Variants in ZKSCAN1 observed in about 807,000 individuals in gnomAD.
ZKSCAN1 encodes the protein zinc finger with KRAB and SCAN domains 1.
ZKSCAN1 carries 14 observed loss-of-function variants against 51.6 expected under a neutral mutation model. The ratio of observed to expected loss-of-function variants is 0.27; its 90% confidence interval spans 0.18 to 0.42. ZKSCAN1 has a LOEUF of 0.42. ZKSCAN1 is among the 10% of genes least tolerant of loss of function. The pLI is 1.00. For synonymous variants in ZKSCAN1, 263 were observed against 261.5 expected, an observed-to-expected ratio of 1.01 and a Z score of -0.06; for missense variants, 531 against 710.0, an observed-to-expected ratio of 0.75 and a Z score of 2.86.
At position 100,039,148 on chromosome 7, in the gene ZKSCAN1, C is replaced by A; in HGVS notation, c.*4951C>A. ...CCAACGTGGTGAAAGCCTGTCTCTA[C>A]TAAAAATACAAAAATTAGCCGGGCG... On this transcript the variant is annotated 3_prime_UTR_variant, in exon 6 of 6. Transcript: ENST00000324306. The A allele has an allele frequency of 5.0e-6, 1 of 201,408 alleles. No homozygotes were observed. Among genetic ancestry groups the A allele is most frequent in the Non-Finnish European group, 8.6e-6 (1 of 116,174 alleles). The allele number at this position is 201,408 out of a possible 1,614,324, so 12.5% of individuals were successfully genotyped here.
chr7:100,020,642 C>G (rs1014856898), intron 1 of ZKSCAN1, among the ~76,000 whole-genome samples: 1 of 152,052 alleles, frequency 6.6e-6, no homozygotes, highest in Non-Finnish European at 1.5e-5. Flanking sequence ...GGCGATAGAG[C>G]AAGACTCCGT....
intron 5 of ZKSCAN1, among the ~76,000 whole-genome samples, chr7:100,032,994 C>T (rs1455891371): frequency 1.4e-5 from 2 of 145,382 alleles, no homozygotes; most frequent in Non-Finnish European, 3.0e-5. Context: ...GGTAACAGAG[C>T]AAGACTCCAT....
In ZKSCAN1 at chr7:100,039,986, G is replaced by GTT. The variant is rs897915768; in HGVS notation, c.*5799_*5800dup. 207 of 761,586 alleles carry GTT rather than the reference G, an allele frequency of 2.7e-4. No homozygotes were observed. Among genetic ancestry groups the GTT allele is most frequent in the African/African-American group, 7.8e-4 (40 of 51,220 alleles). 47.2% of individuals were successfully genotyped at this position (761,586 alleles called of 1,614,324 possible). On this transcript the variant is annotated 3_prime_UTR_variant, in exon 6 of 6. Coordinates refer to ENST00000324306, the MANE Select transcript of ZKSCAN1 (RefSeq NM_003439.4). ...AAAGTTTTTCTAACATAGATTTAGG[G>GTT]TTTTTTTTTTTAGAGTGGACACACT...
intron 5 of ZKSCAN1, among the ~76,000 whole-genome samples, chr7:100,030,586 A>G (rs1215310028): frequency 6.6e-6 from 1 of 152,086 alleles, no homozygotes. Flanking sequence ...TTTTATTGCT[A>G]AGTAGTTTTT....
rs1018492974 is a variant in ZKSCAN1, at chr7:100,037,362, A to G, written c.*3165A>G. The G allele has an allele frequency of 1.0e-6, 1 of 985,426 alleles. No individual in the cohort carries two copies. Among genetic ancestry groups the G allele is most frequent in the Non-Finnish European group, 1.2e-6 (1 of 829,918 alleles). The allele number at this position is 985,426 out of a possible 1,614,324, so 61.0% of individuals were successfully genotyped here. Reference sequence around the variant, plus strand: ...GTATTTGTTTCTACTCCAGCCTGGCAGGCAAGGCTAAAACCTGAGATTATC... The same window carrying G: ...GTATTTGTTTCTACTCCAGCCTGGCGGGCAAGGCTAAAACCTGAGATTATC... On this transcript the variant is annotated 3_prime_UTR_variant, in exon 6 of 6. Transcript: ENST00000324306.
intron 5 of ZKSCAN1, among the ~76,000 whole-genome samples, chr7:100,032,011 C>T (rs554129782): frequency 1.6e-4 from 25 of 152,212 alleles, no homozygotes; most frequent in African/African-American, 4.6e-4. Context: ...CCCAGGAGAT[C>T]GAGGCTGCAG....
At position 100,038,602 on chromosome 7, in the gene ZKSCAN1, A is replaced by C. The variant is rs757733824; in HGVS notation, c.*4405A>C. ...GTCTTCTCCATGAAGCGAGAGTAGG[A>C]AGTGTACTGGAATGGCCAAGTGGGA... On this transcript the variant is annotated 3_prime_UTR_variant, in exon 6 of 6. Coordinates refer to ENST00000324306, the MANE Select transcript of ZKSCAN1 (RefSeq NM_003439.4). 1.0e-6 allele frequency: 1 copy of C among 985,462 alleles called. No individual in the cohort carries two copies. The highest frequency in any genetic ancestry group is 1.2e-6 in the Non-Finnish European group (1 of 829,954). The allele number at this position is 985,462 out of a possible 1,614,324, so 61.0% of individuals were successfully genotyped here.
At chr7:100,028,465 G>A (rs1562822964) in intron 3 of ZKSCAN1, among the ~76,000 whole-genome samples, 1 of 152,192 alleles carries the variant, frequency 6.6e-6, no homozygotes, top group African/African-American at 2.4e-5. Flanking sequence ...AGTGAGACAT[G>A]TTTGAGCACT....
chr7:100,018,050 T>A (rs1790443584), intron 1 of ZKSCAN1, among the ~76,000 whole-genome samples: 1 of 152,224 alleles, frequency 6.6e-6, no homozygotes, highest in Non-Finnish European at 1.5e-5. Context: ...TCACGGCAAC[T>A]CTATGGGACA....
At chr7:100,020,379 A>T (rs375861048) in intron 1 of ZKSCAN1, among the ~76,000 whole-genome samples, 28 of 152,284 alleles carry the variant, frequency 1.8e-4, no homozygotes, top group African/African-American at 6.5e-4. Context: ...AATTGGGACC[A>T]GGCACTGGAA....
At chr7:100,021,767 T>A (rs189955939) in intron 1 of ZKSCAN1, among the ~76,000 whole-genome samples, 1 of 150,862 alleles carries the variant, frequency 6.6e-6, no homozygotes, top group East Asian at 2.0e-4. Context: ...CTTTTCCTGA[T>A]AGGGCTTTGC....
At chr7:100,015,816 C>A (rs923090936) in intron 1 of ZKSCAN1, 90 bp downstream of exon 1, 2 of 152,448 alleles carry the variant, frequency 1.3e-5, no homozygotes, top group African/African-American at 4.8e-5. Flanking sequence ...GCCCTGGGAC[C>A]CCCTCCAGGC....
intron 3 of ZKSCAN1, chr7:100,024,920 GAATT>G (rs1790757064): frequency 1.9e-5 from 2 of 105,928 alleles, no homozygotes; most frequent in Admixed American, 9.8e-5. Context: ...AAAAAAAAAA[GAATT>G]AATTAAAAAT....
Position 100,034,313 on chromosome 7 carries a change from C to A in ZKSCAN1, c.*116C>A. The A allele has an allele frequency of 6.8e-7, 1 of 1,480,578 alleles. No homozygotes were observed. The highest frequency in any genetic ancestry group is 2.3e-5 in the East Asian group (1 of 43,396). The allele number at this position is 1,480,578 out of a possible 1,614,324, so 91.7% of individuals were successfully genotyped here. On this transcript the variant is annotated 3_prime_UTR_variant, in exon 6 of 6. Transcript: ENST00000324306. ...TCAACAGATTAAAAAACAAAAGTCACACTTAAGGATCCTTCTAGTCACATC... is the reference window on the plus strand; with the variant it reads ...TCAACAGATTAAAAAACAAAAGTCAAACTTAAGGATCCTTCTAGTCACATC...
At chr7:100,029,807 G>T in intron 3 of ZKSCAN1, 54 bp from the exon 4 acceptor site, 2 of 1,558,066 alleles carry the variant, frequency 1.3e-6, no homozygotes, top group South Asian at 2.3e-5. Flanking sequence ...GCCCTTCTTT[G>T]AGCAAGGCTC....
In ZKSCAN1 at chr7:100,036,013, T is replaced by C; in HGVS notation, c.*1816T>C. 1 of 985,430 alleles carries C rather than the reference T, an allele frequency of 1.0e-6. No homozygotes were observed. Among genetic ancestry groups the C allele is most frequent in the Non-Finnish European group, 1.2e-6 (1 of 829,928 alleles). 61.0% of individuals were successfully genotyped at this position (985,430 alleles called of 1,614,324 possible). A position where few individuals can be genotyped will look rare whatever the true frequency, so the allele number is the denominator to read the frequency against. On this transcript the variant is annotated 3_prime_UTR_variant, in exon 6 of 6. Coordinates refer to ENST00000324306, the MANE Select transcript of ZKSCAN1 (RefSeq NM_003439.4). ...AGAACCCCATATATAGTTTGAGACT[T>C]TCCCTTGAGAAACTTATACTAAAAC...
At chr7:100,021,247 A>G (rs1024033689) in intron 1 of ZKSCAN1, among the ~76,000 whole-genome samples, 2 of 149,564 alleles carry the variant, frequency 1.3e-5, no homozygotes, top group Admixed American at 6.7e-5. Context: ...CAGTCTCCCA[A>G]ATAGCTGGGA....
In ZKSCAN1 at chr7:100,036,339, T is replaced by G. The variant is rs1283309802; in HGVS notation, c.*2142T>G. The G allele has an allele frequency of 2.0e-6, 2 of 985,268 alleles. No homozygotes were observed. Among genetic ancestry groups the G allele is most frequent in the Middle Eastern group, 5.2e-4 (1 of 1,936 alleles). 61.0% of individuals were successfully genotyped at this position (985,268 alleles called of 1,614,324 possible). ...AACTAAAATGGAGGCAGAAAATGTT[T>G]TAAGGATTTTCTTCAAAGAATAAGC... On this transcript the variant is annotated 3_prime_UTR_variant, in exon 6 of 6. Coordinates refer to ENST00000324306, the MANE Select transcript of ZKSCAN1 (RefSeq NM_003439.4).
chr7:100,041,322 A>T lies in ZKSCAN1; in HGVS notation c.*7125A>T, dbSNP rs1584359217. On this transcript the variant is annotated 3_prime_UTR_variant, in exon 6 of 6. Coordinates refer to ENST00000324306, the MANE Select transcript of ZKSCAN1 (RefSeq NM_003439.4). Reference sequence around the variant, plus strand: ...ATGCTTGGTAGATGTTCAATACGTGATTTTTTTTTTAATTGAATGTGTTCA... The same window carrying T: ...ATGCTTGGTAGATGTTCAATACGTGTTTTTTTTTTTAATTGAATGTGTTCA... 1.1e-6 allele frequency: 1 copy of T among 916,642 alleles called. No individual in the cohort carries two copies. Among genetic ancestry groups the T allele is most frequent in the African/African-American group, 1.8e-5 (1 of 55,550 alleles). The allele number at this position is 916,642 out of a possible 1,614,324, so 56.8% of individuals were successfully genotyped here.
Sources: gnomAD v4.1 joint callset for allele counts (sites outside exome capture counted in the v4.1 genomes callset) on GRCh38, gnomAD v4.1.1 for gene constraint, MANE v1.5 for transcripts, NCBI Gene and HGNC (gene_info 2026-07-23, HGNC 2026-07-21) for gene names.